The following DNAI2 variants were observed in gnomAD, a reference collection of about 807,000 sequenced individuals.
DNAI2 encodes dynein axonemal intermediate chain 2, also known as dynein, axonemal, intermediate polypeptide 2.
DNAI2 carries 63 observed loss-of-function variants against 74.7 expected under a neutral mutation model. That is an observed-to-expected ratio of 0.84 (90% CI 0.69 to 1.04). DNAI2 has a LOEUF of 1.04. Ranked by LOEUF, DNAI2 falls within the 50% of genes least tolerant of loss-of-function variation. The probability of loss-of-function intolerance (pLI) is 0.00; values close to 1 mark genes in which losing one functional copy is unlikely to be tolerated. For synonymous variants in DNAI2, 289 were observed against 314.9 expected, an observed-to-expected ratio of 0.92 and a Z score of 0.87; for missense variants, 688 against 803.2, an observed-to-expected ratio of 0.86 and a Z score of 1.73.
chr17:74,276,465 C>A (rs1455870745), intron 1 of DNAI2, among the ~76,000 whole-genome samples: 1 of 152,210 alleles, frequency 6.6e-6, no homozygotes, highest in Admixed American at 6.5e-5. Flanking sequence ...CTGCTCAGGC[C>A]TTGCTTGGGG....
intron 8 of DNAI2, among the ~76,000 whole-genome samples, chr17:74,304,946 G>T (rs958654351): frequency 6.6e-5 from 10 of 152,180 alleles, no homozygotes; most frequent in Admixed American, 2.6e-4. Flanking sequence ...CTCTGCAGAG[G>T]GGGCTAGTGA....
Position 74,300,999 on chromosome 17 carries a change from G to A in DNAI2, c.865-47G>A, listed in dbSNP as rs758893842. 12 of 1,610,696 alleles carry A rather than the reference G, an allele frequency of 7.5e-6. 1 individual carries two copies. In the Admixed American group the frequency reaches 2.0e-4, roughly 27 times the overall value. ...GAGGGCGGAGAAGGCAAAAGCCAGG[G>A]GAAATACAGGGCCTCGAAGTCTCAC... On this transcript the variant is annotated intron_variant, in intron 7 of 13. Transcript: ENST00000311014. This position sits in a 1 kb window ranked among gnomAD's most constrained non-coding sequence, Gnocchi z 4.5.
At chr17:74,275,311 C>T (rs549935442) in intron 1 of DNAI2, among the ~76,000 whole-genome samples, 1 of 152,260 alleles carries the variant, frequency 6.6e-6, no homozygotes, top group South Asian at 2.1e-4. Context: ...GGGGGCTCAG[C>T]CATGCTTAGT....
chr17:74,301,862 A>AGAAGGAAG (rs761320355), intron 8 of DNAI2, among the ~76,000 whole-genome samples: 1 of 67,372 alleles, frequency 1.5e-5, no homozygotes, highest in East Asian at 5.1e-4. Context: ...AAGGAAGGAA[A>AGAAGGAAG]GAAGGAAGGA....
chr17:74,287,032 T>C lies in DNAI2; in HGVS notation c.401T>C (p.Phe134Ser). 6.2e-7 allele frequency: 1 copy of C among 1,613,902 alleles called. No individual in the cohort carries two copies. The highest frequency in any genetic ancestry group is 1.1e-5 in the South Asian group (1 of 91,080). ...GCCATTGACATCTATGAAGAGTATT[T>C]CAATGACGAGGAGGCCATGGAAGTG... Reference protein sequence around the residue: ...NNAIDIYEEYFNDEEAMEVME... With the variant: ...NNAIDIYEEYSNDEEAMEVME... The change falls in exon 4 of 14, where the codon TTC (phenylalanine) becomes TCC (serine). Residue 134 changes from phenylalanine (F) to serine (S), a missense_variant. By Grantham distance (155) the Phe-to-Ser change is radical. Transcript: ENST00000311014.
At chr17:74,307,658 G>A (rs112955150) in intron 9 of DNAI2, among the ~76,000 whole-genome samples, 11,021 of 150,434 alleles carry the variant, frequency 0.073, 862 homozygotes, top group African/African-American at 0.2. Context: ...GTGAGACTCC[G>A]TCTCAAAAAA....
Position 74,310,020 on chromosome 17 carries a change from T to G in DNAI2, c.1351T>G (p.Cys451Gly), listed in dbSNP as rs771919830. ...GTCTGCCCGGCCCCTTCAATAGGTG[T>G]GTGACGAGGCCCTCTTCTGCCTCCG... The part of the protein sequence containing the change: ...QCDPTLSLKV[C>G]DEALFCLRVQ... Residue 451 changes from cysteine to glycine, a missense_variant, in exon 11 of 14, where the codon TGT becomes GGT. Cys to Gly is a radical substitution (Grantham distance 159). Coordinates refer to ENST00000311014, the MANE Select transcript of DNAI2 (RefSeq NM_023036.6). The G allele has an allele frequency of 6.2e-7, 1 of 1,613,836 alleles. No homozygotes were observed. Among genetic ancestry groups the G allele is most frequent in the Non-Finnish European group, 8.5e-7 (1 of 1,180,034 alleles).
At chr17:74,302,070 AGAAGGAAGGAAGGAAG>A (rs1160792899) in intron 8 of DNAI2, among the ~76,000 whole-genome samples, 272 of 6,918 alleles carry the variant, frequency 0.039, 4 homozygotes, top group Middle Eastern at 0.077. Context: ...AAGGAAGGAA[AGAAGGAAGGAAGGAAG>A]GAAGGAAGGA....
chr17:74,290,505 G>T (rs1383894621), intron 5 of DNAI2, among the ~76,000 whole-genome samples: 1 of 152,200 alleles, frequency 6.6e-6, no homozygotes, highest in East Asian at 1.9e-4. Context: ...GCAGGGACAG[G>T]GTGGTGGTGG....
At chr17:74,311,139 G>A (rs565200793) in intron 11 of DNAI2, among the ~76,000 whole-genome samples, 1 of 152,008 alleles carries the variant, frequency 6.6e-6, no homozygotes, top group East Asian at 2.0e-4. Context: ...CTCCCAAACT[G>A]CTGGGATTAT....
chr17:74,304,919 TCGAGGAC>T (rs2053091477), intron 8 of DNAI2, among the ~76,000 whole-genome samples: 1 of 152,156 alleles, frequency 6.6e-6, no homozygotes, highest in Non-Finnish European at 1.5e-5. Context: ...GCCAAATGCA[TCGAGGAC>T]ACAGTGGTGC....
rs372009842 is a variant in DNAI2, at chr17:74,291,057, G to A, written c.648G>A (p.Ser216=). Reference sequence around the variant, plus strand: ...AGCCTGAACTTGCTCTGAAGCCATCGTCTCCACTCGTGACGTTGGAGTTCA... The same window carrying A: ...AGCCTGAACTTGCTCTGAAGCCATCATCTCCACTCGTGACGTTGGAGTTCA... ...PNKPELALKP[S]SPLVTLEFNP... The change falls in exon 6 of 14, where the codon TCG becomes TCA. Residue 216 remains serine, a synonymous_variant. Coordinates refer to ENST00000311014, the MANE Select transcript of DNAI2 (RefSeq NM_023036.6). 6.8e-6 allele frequency: 11 copies of A among 1,614,164 alleles called. No individual in the cohort carries two copies. The highest frequency in any genetic ancestry group is 2.2e-5 in the East Asian group (1 of 44,894).
At position 74,310,041 on chromosome 17, in the gene DNAI2, C is replaced by T. The variant is rs771260018; in HGVS notation, c.1372C>T (p.Leu458Phe). ...GGTGTGTGACGAGGCCCTCTTCTGCCTCCGGGTGCAGGACAATGGGTGTCT... is the reference window on the plus strand; with the variant it reads ...GGTGTGTGACGAGGCCCTCTTCTGCTTCCGGGTGCAGGACAATGGGTGTCT... ...LKVCDEALFC[L>F]RVQDNGCLIA... The change falls in exon 11 of 14, where the codon CTC becomes TTC. Residue 458 changes from leucine (L) to phenylalanine (F), a missense_variant. By Grantham distance (22) the Leu-to-Phe change is conservative (BLOSUM62 0). Coordinates refer to ENST00000311014, the MANE Select transcript of DNAI2 (RefSeq NM_023036.6). 3.1e-6 allele frequency: 5 copies of T among 1,613,808 alleles called. No homozygotes were observed. The East Asian group carries it at 8.9e-5, about 29-fold the overall frequency.
Position 74,312,249 on chromosome 17 carries a change from G to T in DNAI2, c.1722+19G>T, listed in dbSNP as rs1232918124. 7 of 534,460 alleles carry T rather than the reference G, an allele frequency of 1.3e-5. No homozygotes were observed. The highest frequency in any genetic ancestry group is 7.1e-5 in the Admixed American group (3 of 41,998). The allele number at this position is 534,460 out of a possible 1,614,324, so 33.1% of individuals were successfully genotyped here. On this transcript the variant is annotated intron_variant, in intron 12 of 13. Coordinates refer to ENST00000311014, the MANE Select transcript of DNAI2 (RefSeq NM_023036.6). The stretch of plus-strand genomic sequence containing the variant: ...AGTGCCTGTAGGGGCCTGGACAGGG[G>T]TTGGGTGGGTTGGGGACTGGGCGGG...
chr17:74,280,065 G>A (rs1413220716), intron 1 of DNAI2, among the ~76,000 whole-genome samples: 1 of 152,146 alleles, frequency 6.6e-6, no homozygotes, highest in Admixed American at 6.5e-5. Context: ...TAATTCCATG[G>A]TGTGATATGG....
chr17:74,287,723 G>A (rs1226019294), intron 4 of DNAI2, among the ~76,000 whole-genome samples: 3 of 152,222 alleles, frequency 2.0e-5, no homozygotes, highest in Admixed American at 2.0e-4. Flanking sequence ...GGGAGGCCAA[G>A]GCGGGTGCAT....
chr17:74,286,876 G>C (rs1011998451), intron 3 of DNAI2, 101 bp from the exon 4 acceptor site: 1 of 1,515,218 alleles, frequency 6.6e-7, no homozygotes. Flanking sequence ...GATGGGAAAA[G>C]CCCCTGGCTA....
At chr17:74,297,798 C>T (rs1198413292) in intron 6 of DNAI2, among the ~76,000 whole-genome samples, 1 of 152,072 alleles carries the variant, frequency 6.6e-6, no homozygotes, top group African/African-American at 2.4e-5. Context: ...AGACACCCAA[C>T]CCATGACTAC....
At chr17:74,283,141 A>G (rs2051489826) in intron 2 of DNAI2, among the ~76,000 whole-genome samples, 1 of 152,182 alleles carries the variant, frequency 6.6e-6, no homozygotes. Context: ...AATGGAAAGG[A>G]GATGGGAGTG....
Sources: allele counts gnomAD v4.1 joint callset (sites outside exome capture counted in the v4.1 genomes callset), GRCh38; gene constraint gnomAD v4.1.1; non-coding constraint Gnocchi (gnomAD v3.1); transcripts MANE v1.5; gene names NCBI Gene and HGNC (gene_info 2026-07-23, HGNC 2026-07-21).